DCC: variants seen among roughly 807,000 people sequenced by gnomAD.
DCC encodes DCC netrin 1 receptor, also known as netrin receptor DCC.
Under a neutral mutation model 172.5 loss-of-function variants are expected in DCC, and 58 were observed. That is an observed-to-expected ratio of 0.34 (90% CI 0.27 to 0.42). The LOEUF (loss-of-function observed/expected upper bound fraction) is 0.42, where lower values mean the gene tolerates loss of function less well. Ranked by LOEUF, DCC falls within the 10% of genes least tolerant of loss-of-function variation. The pLI is 1.00. For synonymous variants in DCC, 709 were observed against 644.5 expected (o/e 1.10, Z -1.52); for missense variants, 1,740 against 1,791.0 (o/e 0.97, Z 0.51).
intron 2 of DCC, among the ~76,000 whole-genome samples, chr18:52,790,858 C>A (rs2037751050): frequency 6.6e-6 from 1 of 152,144 alleles, no homozygotes; most frequent in African/African-American, 2.4e-5. Context: ...AGTCAAATAT[C>A]TGAGTTAAAT....
intron 3 of DCC, among the ~76,000 whole-genome samples, chr18:52,916,543 A>G (rs1457259030): frequency 1.3e-5 from 2 of 152,212 alleles, no homozygotes; most frequent in African/African-American, 4.8e-5. Flanking sequence ...CAATGTACCA[A>G]TCCAAATAAC....
chr18:52,371,800 G>A (rs1985134560), intron 1 of DCC, among the ~76,000 whole-genome samples: 1 of 152,200 alleles, frequency 6.6e-6, no homozygotes, highest in Admixed American at 6.5e-5. Flanking sequence ...ACCTAATGGA[G>A]TTTCAGGACC....
rs145098225 is a variant in DCC, at chr18:53,021,422, A to G, written c.986-41883A>G. ...AATGACTATTATTATATCGTGTTCT[A>G]TTATGAGTCTGGCAAGCTGAGAAGT... On this transcript the variant is annotated intron_variant, in intron 5 of 28. Coordinates refer to ENST00000442544, the MANE Select transcript of DCC (RefSeq NM_005215.4). Among the ~76,000 whole-genome samples the G allele has an allele frequency of 9.8e-3, 1,486 of 152,304 alleles. 28 individuals are homozygous for G. The highest frequency in any genetic ancestry group is 0.034 in the African/African-American group (1,431 of 41,558).
chr18:52,438,122 G>A (rs1987855807), intron 1 of DCC, among the ~76,000 whole-genome samples: 1 of 152,052 alleles, frequency 6.6e-6, no homozygotes, highest in Admixed American at 6.6e-5. Context: ...CAGATCCCAG[G>A]GGCCAGAGTT....
At chr18:52,648,365 T>G (rs957319005) in intron 1 of DCC, among the ~76,000 whole-genome samples, 12 of 152,222 alleles carry the variant, frequency 7.9e-5, no homozygotes, top group African/African-American at 2.9e-4. Flanking sequence ...GCCCTTTTCC[T>G]CAAAGAATCT....
chr18:53,429,409 AT>A (rs60006702), intron 21 of DCC, among the ~76,000 whole-genome samples: 65,164 of 150,572 alleles, frequency 0.43, 15,856 homozygotes, highest in Non-Finnish European at 0.56. Context: ...GTATCCTGGT[AT>A]TTTTTTTGTA....
At chr18:53,301,263 A>G (rs1238766245) in intron 12 of DCC, among the ~76,000 whole-genome samples, 5 of 151,420 alleles carry the variant, frequency 3.3e-5, no homozygotes, top group Admixed American at 2.0e-4. Flanking sequence ...CTAATTTTGT[A>G]TTTTTAGTAG....
intron 2 of DCC, among the ~76,000 whole-genome samples, chr18:52,800,139 A>C (rs1322179077): frequency 1.3e-5 from 2 of 152,200 alleles, no homozygotes; most frequent in Admixed American, 6.5e-5. Context: ...GAAATTAGTT[A>C]CTGCAGAGTT....
intron 1 of DCC, among the ~76,000 whole-genome samples, chr18:52,357,806 C>T (rs1441634316): frequency 2.6e-5 from 4 of 151,892 alleles, no homozygotes; most frequent in South Asian, 4.2e-4. Context: ...GGCGTGGTGG[C>T]GGGTGCCTGT....
intron 2 of DCC, among the ~76,000 whole-genome samples, chr18:52,885,619 G>A (rs2039557482): frequency 6.6e-6 from 1 of 152,174 alleles, no homozygotes; most frequent in African/African-American, 2.4e-5. Context: ...CCTGGACTCA[G>A]TGACTCCAAG....
At chr18:52,840,592 C>T (rs1189882131) in intron 2 of DCC, among the ~76,000 whole-genome samples, 1 of 152,080 alleles carries the variant, frequency 6.6e-6, no homozygotes, top group Non-Finnish European at 1.5e-5. Context: ...CCAGTATGAA[C>T]TATGCTGATT....
intron 15 of DCC, among the ~76,000 whole-genome samples, chr18:53,351,102 T>A (rs1317308407): frequency 2.0e-5 from 3 of 150,898 alleles, no homozygotes; most frequent in African/African-American, 7.3e-5. Context: ...ACAGGGTGAT[T>A]CATTAATAAT....
intron 1 of DCC, among the ~76,000 whole-genome samples, chr18:52,527,669 G>C (rs1259575253): frequency 6.6e-6 from 1 of 152,138 alleles, no homozygotes; most frequent in Non-Finnish European, 1.5e-5. Context: ...AGAAATTCCT[G>C]CACAAACTAT....
chr18:52,800,071 C>T (rs1201952158), intron 2 of DCC, among the ~76,000 whole-genome samples: 3 of 152,136 alleles, frequency 2.0e-5, no homozygotes, highest in Non-Finnish European at 4.4e-5. Flanking sequence ...CTAAATTATA[C>T]TTTTATTATG....
At chr18:52,666,413 G>A (rs1215915618) in intron 1 of DCC, among the ~76,000 whole-genome samples, 1 of 152,144 alleles carries the variant, frequency 6.6e-6, no homozygotes, top group Admixed American at 6.5e-5. Flanking sequence ...AAAATGTAAT[G>A]ATTGATCTTA....
At chr18:52,384,558 A>G (rs1229750108) in intron 1 of DCC, among the ~76,000 whole-genome samples, 1 of 152,168 alleles carries the variant, frequency 6.6e-6, no homozygotes, top group Non-Finnish European at 1.5e-5. Context: ...TGAAGGTAAC[A>G]AAAGCTTTTG....
chr18:53,000,891 A>G (rs7236076), intron 5 of DCC, among the ~76,000 whole-genome samples: 100,829 of 151,838 alleles, frequency 0.66, 33,883 homozygotes, highest in Non-Finnish European at 0.72. Flanking sequence ...CTTATTACTC[A>G]TCACTTCCTA....
chr18:53,235,457 T>C (rs1315455622), intron 12 of DCC, among the ~76,000 whole-genome samples: 1 of 152,190 alleles, frequency 6.6e-6, no homozygotes, highest in East Asian at 1.9e-4. Flanking sequence ...TATTTCTTTC[T>C]GCAGATTCTT....
chr18:52,978,551 T>C (rs990051785), intron 5 of DCC, among the ~76,000 whole-genome samples: 2 of 152,188 alleles, frequency 1.3e-5, no homozygotes, highest in African/African-American at 4.8e-5. Context: ...GTAGCTGTTA[T>C]TATCAACTCA....
Sources: gnomAD v4.1 joint callset for allele counts (sites outside exome capture counted in the v4.1 genomes callset) on GRCh38, gnomAD v4.1.1 for gene constraint, MANE v1.5 for transcripts, NCBI Gene and HGNC (gene_info 2026-07-23, HGNC 2026-07-21) for gene names.